Variants in FAM204A observed in about 807,000 individuals in gnomAD.
The protein encoded by FAM204A is protein FAM204A.
FAM204A carries 16 observed loss-of-function variants against 35.4 expected under a neutral mutation model. The observed-to-expected ratio is 0.45, with a 90% confidence interval of 0.31 to 0.69. FAM204A has a LOEUF of 0.69. FAM204A is among the 30% of genes least tolerant of loss of function. FAM204A has a pLI of 0.07. For missense variants in FAM204A, 240 were observed against 265.7 expected (o/e 0.90, Z 0.67); for synonymous variants, 76 against 86.9 (o/e 0.88, Z 0.70).
At chr10:118,321,638 G>T (rs1212977712) in intron 7 of FAM204A, among the ~76,000 whole-genome samples, 1 of 148,250 alleles carries the variant, frequency 6.7e-6, no homozygotes, top group Non-Finnish European at 1.5e-5. Flanking sequence ...TTGTCAAAAA[G>T]TGTGACAGGA....
intron 2 of FAM204A, among the ~76,000 whole-genome samples, chr10:118,337,751 T>C (rs1846411127): frequency 6.6e-6 from 1 of 152,186 alleles, no homozygotes; most frequent in South Asian, 2.1e-4. Context: ...TTATACTGCT[T>C]ATAGGGCTAT....
At chr10:118,335,448 T>G in intron 4 of FAM204A, 22 bp from the exon 5 acceptor site, 1 of 1,598,930 alleles carries the variant, frequency 6.3e-7, no homozygotes. Flanking sequence ...TCACAAAGTG[T>G]CAATACCTAA....
rs572637826 is a variant in FAM204A, at chr10:118,315,944, C to A, written c.544-4631G>T. Among the ~76,000 whole-genome samples the A allele has an allele frequency of 1.5e-4, 23 of 152,216 alleles. No homozygotes were observed. The South Asian group carries it at 4.2e-3, about 27-fold the overall frequency. On this transcript the variant is annotated intron_variant, in intron 7 of 8. Coordinates refer to ENST00000369183, the MANE Select transcript of FAM204A (RefSeq NM_022063.3). ...ACAGCTCCTCATTTTGAGGCTTGAA[C>A]AAAATTAGCAAAAAGTCGGCACAAA...
At position 118,327,825 on chromosome 10, in the gene FAM204A, T is replaced by C. The variant is rs570783145; in HGVS notation, c.454-1582A>G. Among the ~76,000 whole-genome samples the C allele has an allele frequency of 7.9e-5, 12 of 152,280 alleles. No individual in the cohort carries two copies. In the South Asian group the frequency reaches 1.9e-3, roughly 24 times the overall value. ...ACACAGTTTTGTACTGGCCGGCATG[T>C]TGACACACACCTTTAGTCCCAGAGC... On this transcript the variant is annotated intron_variant, in intron 6 of 8. Transcript: ENST00000369183.
rs771014837 is a variant in FAM204A at position 118,342,282 on chromosome 10, G to A, written c.-222C>T. On this transcript the variant is annotated 5_prime_UTR_variant, in exon 1 of 9. Transcript: ENST00000369183. Reference sequence around the variant, plus strand: ...AAGCCGTACTCACCTGTCAGGAAGTGGTCGCCCAGCAGCCATCTTAGGACC... The same window carrying A: ...AAGCCGTACTCACCTGTCAGGAAGTAGTCGCCCAGCAGCCATCTTAGGACC... 6.6e-6 allele frequency: 1 copy of A among 152,436 alleles called. No homozygotes were observed. The highest frequency in any genetic ancestry group is 1.5e-5 in the Non-Finnish European group (1 of 68,242). The allele number at this position is 152,436 out of a possible 1,614,324, so 9.4% of individuals were successfully genotyped here.
At chr10:118,316,745 A>G (rs1278214527) in intron 7 of FAM204A, among the ~76,000 whole-genome samples, 1 of 152,112 alleles carries the variant, frequency 6.6e-6, no homozygotes, top group Non-Finnish European at 1.5e-5. Flanking sequence ...TCATTCATAT[A>G]TGTGTGTATA....
In FAM204A at chr10:118,310,677, CACTTCAATAGG is replaced by C. The variant is rs150352928; in HGVS notation, c.*169_*179del. The C allele has an allele frequency of 6.0e-3, 3,386 of 566,548 alleles. 80 individuals are homozygous for C. The highest frequency in any genetic ancestry group is 0.057 in the African/African-American group (2,923 of 51,008). 35.1% of individuals were successfully genotyped at this position (566,548 alleles called of 1,614,324 possible). A position where few individuals can be genotyped will look rare whatever the true frequency, so the allele number is the denominator to read the frequency against. On this transcript the variant is annotated 3_prime_UTR_variant, in exon 9 of 9. Coordinates refer to ENST00000369183, the MANE Select transcript of FAM204A (RefSeq NM_022063.3). ...AAATAACAGAATGCTTCATTTTATT[CACTTCAATAGG>C]ACAAAGTCCTTAAAGAAAGACTGAA...
At chr10:118,315,584 T>C (rs1273093888) in intron 7 of FAM204A, among the ~76,000 whole-genome samples, 1 of 152,206 alleles carries the variant, frequency 6.6e-6, no homozygotes, top group Non-Finnish European at 1.5e-5. Flanking sequence ...TTTTCTGAAG[T>C]AAAGCGGAAC....
Position 118,310,685 on chromosome 10 carries a change from T to C in FAM204A, c.*172A>G, listed in dbSNP as rs1207995751. ...GAATGCTTCATTTTATTCACTTCAA[T>C]AGGACAAAGTCCTTAAAGAAAGACT... On this transcript the variant is annotated 3_prime_UTR_variant, in exon 9 of 9. Coordinates refer to ENST00000369183, the MANE Select transcript of FAM204A (RefSeq NM_022063.3). 5.0e-6 allele frequency: 3 copies of C among 598,120 alleles called. No homozygotes were observed. In the Admixed American group the frequency reaches 1.1e-4, roughly 21 times the overall value. 37.1% of individuals were successfully genotyped at this position (598,120 alleles called of 1,614,324 possible). A position where few individuals can be genotyped will look rare whatever the true frequency, so the allele number is the denominator to read the frequency against.
rs981354275 is a variant in FAM204A at position 118,307,662 on chromosome 10, A to C, written c.*3195T>G. ...TTCTTAAAAAGTAATGTCTTAACAA[A>C]AATTTGGACATTTTATAAATTATAT... On this transcript the variant is annotated 3_prime_UTR_variant, in exon 9 of 9. Coordinates refer to ENST00000369183, the MANE Select transcript of FAM204A (RefSeq NM_022063.3). The C allele has an allele frequency of 3.2e-4, 48 of 152,336 alleles. No individual in the cohort carries two copies. Among genetic ancestry groups the C allele is most frequent in the African/African-American group, 1.1e-3 (44 of 41,580 alleles). The allele number at this position is 152,336 out of a possible 1,614,324, so 9.4% of individuals were successfully genotyped here.
At chr10:118,328,128 T>C (rs1370036390) in intron 6 of FAM204A, among the ~76,000 whole-genome samples, 2 of 152,208 alleles carry the variant, frequency 1.3e-5, no homozygotes, top group African/African-American at 4.8e-5. Flanking sequence ...TATGTCATGT[T>C]ATAGACATTG....
rs1297406845 is a variant in FAM204A, at chr10:118,301,010, T to C, written c.*9847A>G. The C allele has an allele frequency of 6.6e-6, 1 of 152,164 alleles. No individual in the cohort carries two copies. Among genetic ancestry groups the C allele is most frequent in the Non-Finnish European group, 1.5e-5 (1 of 68,022 alleles). The allele number at this position is 152,164 out of a possible 1,614,324, so 9.4% of individuals were successfully genotyped here. A position where few individuals can be genotyped will look rare whatever the true frequency, so the allele number is the denominator to read the frequency against. On this transcript the variant is annotated 3_prime_UTR_variant, in exon 9 of 9. Transcript: ENST00000369183. The stretch of plus-strand genomic sequence containing the variant: ...AATAGAAATTTGTTGAGGCTCAGAG[T>C]TGCCATAGCTGGTGAGCATCCACAG...
chr10:118,337,422 A>C (rs1846406666), intron 2 of FAM204A, among the ~76,000 whole-genome samples: 1 of 152,182 alleles, frequency 6.6e-6, no homozygotes, highest in African/African-American at 2.4e-5. Context: ...GTTAAAAAAC[A>C]AACAAACAAA....
chr10:118,332,196 G>A (rs1476472616), intron 6 of FAM204A, among the ~76,000 whole-genome samples: 95 of 33,288 alleles, frequency 2.9e-3, no homozygotes, highest in Non-Finnish European at 6.6e-3. Context: ...AAAATCATAT[G>A]AGTCAGGTAA....
intron 2 of FAM204A, among the ~76,000 whole-genome samples, chr10:118,341,100 C>T (rs962745007): frequency 3.9e-5 from 6 of 152,186 alleles, no homozygotes; most frequent in African/African-American, 1.4e-4. Context: ...GTCAAAGTCA[C>T]AGTCAGAGGT....
At chr10:118,319,296 T>A (rs1846077014) in intron 7 of FAM204A, among the ~76,000 whole-genome samples, 1 of 152,032 alleles carries the variant, frequency 6.6e-6, no homozygotes, top group African/African-American at 2.4e-5. Flanking sequence ...AAGCATTTAA[T>A]TCACTTAGTT....
chr10:118,335,266 T>C, intron 5 of FAM204A, 53 bp from the exon 6 acceptor site: 1 of 1,566,614 alleles, frequency 6.4e-7, no homozygotes, highest in Non-Finnish European at 8.7e-7. Flanking sequence ...TCTTTACTTT[T>C]ACTGTTTTTA....
At chr10:118,320,806 G>A (rs751022503) in intron 7 of FAM204A, among the ~76,000 whole-genome samples, 9 of 151,886 alleles carry the variant, frequency 5.9e-5, no homozygotes, top group Admixed American at 2.0e-4. Flanking sequence ...TAATTTAAGG[G>A]AGTATGATTC....
At chr10:118,317,061 C>T (rs1031801579) in intron 7 of FAM204A, among the ~76,000 whole-genome samples, 2 of 152,070 alleles carry the variant, frequency 1.3e-5, no homozygotes, top group Non-Finnish European at 2.9e-5. Flanking sequence ...ATTTCTTTAT[C>T]TCTGTTCTTC....
Sources: gnomAD v4.1 joint callset for allele counts (sites outside exome capture counted in the v4.1 genomes callset) on GRCh38, gnomAD v4.1.1 for gene constraint, MANE v1.5 for transcripts, NCBI Gene and HGNC (gene_info 2026-07-23, HGNC 2026-07-21) for gene names.